PTPRK: variants seen among roughly 807,000 people sequenced by gnomAD.
PTPRK encodes the protein protein tyrosine phosphatase receptor type K.
In PTPRK, 75 loss-of-function variants were observed where a neutral mutation model predicts 178.0. The ratio of observed to expected loss-of-function variants is 0.42; its 90% confidence interval spans 0.35 to 0.51. The LOEUF (loss-of-function observed/expected upper bound fraction) is 0.51, where lower values mean the gene tolerates loss of function less well. PTPRK is among the 20% of genes least tolerant of loss of function. The probability of loss-of-function intolerance (pLI) is 0.02; values close to 1 mark genes in which losing one functional copy is unlikely to be tolerated. For missense variants in PTPRK, 1,441 were observed against 1,797.8 expected, an observed-to-expected ratio of 0.80 and a Z score of 3.59; for synonymous variants, 637 against 620.6, an observed-to-expected ratio of 1.03 and a Z score of -0.39.
intron 1 of PTPRK, among the ~76,000 whole-genome samples, chr6:128,507,212 A>C (rs1365984352): frequency 5.9e-5 from 9 of 152,160 alleles, no homozygotes; most frequent in Non-Finnish European, 1.3e-4. Context: ...TTAAACACAA[A>C]ATGGGCATAA....
At chr6:128,472,424 C>A (rs922223394) in intron 1 of PTPRK, among the ~76,000 whole-genome samples, 123 of 147,824 alleles carry the variant, frequency 8.3e-4, no homozygotes, top group Non-Finnish European at 2.7e-4. Flanking sequence ...TTTGACACCC[C>A]CCCCCCCTTT....
chr6:128,234,459 T>C (rs1812860264), intron 5 of PTPRK, among the ~76,000 whole-genome samples: 2 of 152,192 alleles, frequency 1.3e-5, no homozygotes, highest in Admixed American at 6.5e-5. Context: ...CCCTAGAGAA[T>C]TTCCCCCTGC....
intron 7 of PTPRK, among the ~76,000 whole-genome samples, chr6:128,124,076 G>C (rs113566071): frequency 0.026 from 3,851 of 147,396 alleles, 72 homozygotes; most frequent in Middle Eastern, 0.097. Context: ...CAGAGTCTCA[G>C]TCTGTCACCC....
At chr6:128,045,591 T>C (rs995319794) in intron 13 of PTPRK, among the ~76,000 whole-genome samples, 5 of 152,046 alleles carry the variant, frequency 3.3e-5, no homozygotes, top group African/African-American at 7.2e-5. Flanking sequence ...CTCCACATTG[T>C]TTCTAAATTA....
chr6:128,385,854 C>T (rs1173981436), intron 2 of PTPRK, among the ~76,000 whole-genome samples: 1 of 152,192 alleles, frequency 6.6e-6, no homozygotes, highest in Non-Finnish European at 1.5e-5. Context: ...ATCACCTAGA[C>T]ATCAGCCAGA....
At chr6:128,486,554 A>C (rs139933714) in intron 1 of PTPRK, among the ~76,000 whole-genome samples, 2 of 152,298 alleles carry the variant, frequency 1.3e-5, no homozygotes, top group East Asian at 3.9e-4. Context: ...CTGTAATCCC[A>C]GGACTTTGGG....
intron 3 of PTPRK, among the ~76,000 whole-genome samples, chr6:128,279,900 T>A (rs909273989): frequency 6.6e-6 from 1 of 152,140 alleles, no homozygotes; most frequent in African/African-American, 2.4e-5. Flanking sequence ...TAAATAATAG[T>A]TGCCATCAGC....
intron 3 of PTPRK, among the ~76,000 whole-genome samples, chr6:128,265,380 A>G (rs908293160): frequency 2.0e-5 from 3 of 152,298 alleles, no homozygotes; most frequent in Admixed American, 6.6e-5. Context: ...TAACTTTTTA[A>G]TTAGTCATTT....
In PTPRK at chr6:128,336,404, T is replaced by G. The variant is rs1186805720; in HGVS notation, c.224-14094A>C. Among the ~76,000 whole-genome samples the G allele has an allele frequency of 3.9e-5, 6 of 152,110 alleles. No individual in the cohort carries two copies. The East Asian group carries it at 1.2e-3, about 29-fold the overall frequency. On this transcript the variant is annotated intron_variant, in intron 2 of 29. Coordinates refer to ENST00000368226, the MANE Select transcript of PTPRK (RefSeq NM_002844.4). ...AAAAAATAACTTCAGCCAAAAGAAG[T>G]AACAGTTAGATCTCAGACCAACAAT...
chr6:128,189,553 T>C (rs541685347), intron 6 of PTPRK, among the ~76,000 whole-genome samples: 1 of 152,254 alleles, frequency 6.6e-6, no homozygotes, highest in East Asian at 1.9e-4. Context: ...TTTTTCTTTT[T>C]ACTATTTTTT....
rs974265370 is a variant in PTPRK, at chr6:128,393,273, T to G, written c.223+4293A>C. 5.3e-5 allele frequency among the ~76,000 whole-genome samples: 8 copies of G among 152,138 alleles called. No individual in the cohort carries two copies. In the East Asian group the frequency reaches 1.6e-3, roughly 30 times the overall value. Reference sequence around the variant, plus strand: ...GCCTGACTAATTTTTCTATTTTTAGTAGAGACGGGGTTTCACCATGTTGCT... The same window carrying G: ...GCCTGACTAATTTTTCTATTTTTAGGAGAGACGGGGTTTCACCATGTTGCT... On this transcript the variant is annotated intron_variant, in intron 2 of 29. Coordinates refer to ENST00000368226, the MANE Select transcript of PTPRK (RefSeq NM_002844.4).
At chr6:128,376,918 C>T (rs990849404) in intron 2 of PTPRK, among the ~76,000 whole-genome samples, 6 of 152,218 alleles carry the variant, frequency 3.9e-5, no homozygotes, top group Admixed American at 3.9e-4. Flanking sequence ...TCATCTCCAT[C>T]TGAGACCACT....
At chr6:128,140,546 C>T (rs894993732) in intron 7 of PTPRK, among the ~76,000 whole-genome samples, 3 of 151,924 alleles carry the variant, frequency 2.0e-5, no homozygotes, top group African/African-American at 7.2e-5. Flanking sequence ...GACTACTGAT[C>T]TGTACGTAGG....
chr6:128,135,291 CTA>C (rs1245330833), intron 7 of PTPRK, among the ~76,000 whole-genome samples: 2 of 152,088 alleles, frequency 1.3e-5, no homozygotes, highest in Non-Finnish European at 2.9e-5. Flanking sequence ...TACTGTTGAA[CTA>C]TGTTTCTTGA....
chr6:128,434,582 T>A (rs1845264465), intron 1 of PTPRK, among the ~76,000 whole-genome samples: 1 of 152,100 alleles, frequency 6.6e-6, no homozygotes, highest in Non-Finnish European at 1.5e-5. Context: ...AAGTGTTAAA[T>A]GAGAGCACAA....
intron 2 of PTPRK, among the ~76,000 whole-genome samples, chr6:128,359,138 C>A (rs1584345064): frequency 2.0e-5 from 3 of 152,200 alleles, no homozygotes; most frequent in African/African-American, 7.2e-5. Context: ...ACCATACAAC[C>A]CAGTGGTTGA....
intron 21 of PTPRK, among the ~76,000 whole-genome samples, chr6:127,989,546 G>A (rs1281113247): frequency 2.6e-5 from 4 of 151,838 alleles, no homozygotes; most frequent in African/African-American, 4.8e-5. Flanking sequence ...AAATTCCTTA[G>A]GAGAGATTCA....
At chr6:128,489,550 T>C (rs1027568145) in intron 1 of PTPRK, among the ~76,000 whole-genome samples, 2 of 152,210 alleles carry the variant, frequency 1.3e-5, no homozygotes, top group Non-Finnish European at 2.9e-5. Flanking sequence ...TATAACTCTC[T>C]TAGTCATATA....
intron 5 of PTPRK, chr6:128,235,336 T>C (rs1813054386): frequency 6.2e-6 from 1 of 162,344 alleles, no homozygotes; most frequent in African/African-American, 2.4e-5. Flanking sequence ...AAGTGTACAA[T>C]CTAATTTTTA....
Sources: allele counts gnomAD v4.1 joint callset (sites outside exome capture counted in the v4.1 genomes callset), GRCh38; gene constraint gnomAD v4.1.1; transcripts MANE v1.5; gene names NCBI Gene and HGNC (gene_info 2026-07-23, HGNC 2026-07-21).